Variants in TMEM131 observed in about 807,000 individuals in gnomAD.
The protein encoded by TMEM131 is 2610524E03Rik.
Under a neutral mutation model 211.6 loss-of-function variants are expected in TMEM131, and 66 were observed. The ratio of observed to expected loss-of-function variants is 0.31; its 90% CI spans 0.26 to 0.38. The LOEUF is 0.38. TMEM131 is among the 10% of genes least tolerant of loss of function. TMEM131 has a pLI of 1.00. For synonymous variants in TMEM131, 844 were observed against 841.3 expected (o/e 1.00, Z -0.06); for missense variants, 2,036 against 2,299.3 (o/e 0.89, Z 2.34).
Position 97,922,576 on chromosome 2 carries a change from C to T in TMEM131, c.249+4850G>A, listed in dbSNP as rs546470368. Among the ~76,000 whole-genome samples, 3 of 152,004 alleles carry T rather than the reference C, an allele frequency of 2.0e-5. No individual in the cohort carries two copies. The South Asian group carries it at 6.2e-4, about 32-fold the overall frequency. ...CTACAGTTACACTCAACACATAATG[C>T]TGTGAATCTTAGAAACATAATGCTG... On this transcript the variant is annotated intron_variant, in intron 2 of 40. Transcript: ENST00000186436.
intron 4 of TMEM131, among the ~76,000 whole-genome samples, chr2:97,880,737 G>A (rs1450353181): frequency 6.6e-6 from 1 of 152,196 alleles, no homozygotes; most frequent in African/African-American, 2.4e-5. Flanking sequence ...ACAGGCATAT[G>A]TCAAAGGCAT....
At position 97,758,984 on chromosome 2, in the gene TMEM131, T is replaced by G. The variant is rs1374138989; in HGVS notation, c.5276A>C (p.Asn1759Thr). The G allele has an allele frequency of 2.5e-6, 4 of 1,614,012 alleles. No homozygotes were observed. In the South Asian group the frequency reaches 3.3e-5, roughly 13 times the overall value. ...CTCCCAAAGGTATGAAGGGCCACTA[T>G]TAAACTCGTTCCAGCTCCTCTGTGA... ...QASQRSWNEFNSGPSYLWESP... is the reference protein window; with the variant it reads ...QASQRSWNEFTSGPSYLWESP... The change falls in exon 40 of 41, where the codon AAT becomes ACT. Residue 1759 changes from asparagine (N) to threonine (T), a missense_variant. Transcript: ENST00000186436.
At chr2:97,806,696 A>G (rs1681315475) in intron 19 of TMEM131, among the ~76,000 whole-genome samples, 1 of 152,254 alleles carries the variant, frequency 6.6e-6, no homozygotes, top group Non-Finnish European at 1.5e-5. Flanking sequence ...GAATATTACA[A>G]TCTTTCTTTT....
At chr2:97,942,053 G>T (rs183490655) in intron 1 of TMEM131, among the ~76,000 whole-genome samples, 95 of 152,098 alleles carry the variant, frequency 6.2e-4, no homozygotes, top group African/African-American at 2.2e-3. Flanking sequence ...CTATTCACAA[G>T]AGCAAAGACT....
At position 97,837,148 on chromosome 2, in the gene TMEM131, T is replaced by C. The variant is rs766740704; in HGVS notation, c.733A>G (p.Met245Val). 4 of 1,594,552 alleles carry C rather than the reference T, an allele frequency of 2.5e-6. No homozygotes were observed. The Admixed American group carries it at 5.5e-5, about 22-fold the overall frequency. The change falls in exon 8 of 41, where the codon ATG becomes GTG. Residue 245 changes from methionine to valine, a missense_variant. By Grantham distance (21) the Met-to-Val change is conservative. This residue lies in a region of TMEM131 where 277 missense variants were observed against 378.0 expected (regional missense o/e 0.73). Coordinates refer to ENST00000186436, the MANE Select transcript of TMEM131 (RefSeq NM_015348.2). ...PHSEPLQVVEMYSSGGDLHLE... is the reference protein window; with the variant it reads ...PHSEPLQVVEVYSSGGDLHLE... ...TGAAGGTCTCCTCCACTAGAGTACA[T>C]TTCTACAACCTGGGGCAAAAGAGCA...
chr2:97,886,563 C>G (rs1459917394), intron 4 of TMEM131, among the ~76,000 whole-genome samples: 3 of 152,126 alleles, frequency 2.0e-5, no homozygotes, highest in African/African-American at 4.8e-5. Context: ...CTGCAAGTAT[C>G]TCAGTAGCCT....
intron 4 of TMEM131, among the ~76,000 whole-genome samples, chr2:97,877,777 A>G (rs542155469): frequency 6.6e-6 from 1 of 152,356 alleles, no homozygotes; most frequent in Non-Finnish European, 1.5e-5. Context: ...GGGGAATACC[A>G]ATCAGGACAT....
chr2:97,986,923 G>A (rs1200829251), intron 1 of TMEM131, among the ~76,000 whole-genome samples: 1 of 152,174 alleles, frequency 6.6e-6, no homozygotes, highest in Non-Finnish European at 1.5e-5. Context: ...ATACAGTTAG[G>A]TTTCACAGAG....
intron 1 of TMEM131, among the ~76,000 whole-genome samples, chr2:97,978,869 T>C (rs951491821): frequency 1.3e-5 from 2 of 152,216 alleles, no homozygotes; most frequent in Admixed American, 1.3e-4. Flanking sequence ...CAGGAGGTTT[T>C]CAATGGACTT....
At chr2:97,803,434 A>G (rs959373802) in intron 22 of TMEM131, among the ~76,000 whole-genome samples, 5 of 152,248 alleles carry the variant, frequency 3.3e-5, no homozygotes, top group South Asian at 2.1e-4. Context: ...CCTCATCTGA[A>G]TATCTCCCTA....
intron 31 of TMEM131, among the ~76,000 whole-genome samples, chr2:97,782,123 T>C (rs532732216): frequency 7.9e-5 from 12 of 152,190 alleles, no homozygotes; most frequent in African/African-American, 2.9e-4. Flanking sequence ...GAGCCAACTC[T>C]CCCCTCCCTT....
At chr2:97,982,188 T>A (rs1679827964) in intron 1 of TMEM131, among the ~76,000 whole-genome samples, 1 of 152,226 alleles carries the variant, frequency 6.6e-6, no homozygotes, top group South Asian at 2.1e-4. Flanking sequence ...TTGCCAACAT[T>A]TATTATCCAT....
intron 1 of TMEM131, among the ~76,000 whole-genome samples, chr2:97,931,259 A>G (rs1410456879): frequency 6.6e-6 from 1 of 151,792 alleles, no homozygotes; most frequent in Non-Finnish European, 1.5e-5. Context: ...ATCTACTTTA[A>G]GCTCCTCACA....
At chr2:97,831,942 C>G (rs1325632537) in intron 11 of TMEM131, among the ~76,000 whole-genome samples, 1 of 134,096 alleles carries the variant, frequency 7.5e-6, no homozygotes, top group African/African-American at 2.9e-5. Context: ...GCTGGGATTA[C>G]AGGCGTGAGG....
chr2:97,814,288 C>T lies in TMEM131; in HGVS notation c.1393G>A (p.Ala465Thr). 1 of 1,613,748 alleles carries T rather than the reference C, an allele frequency of 6.2e-7. No individual in the cohort carries two copies. Among genetic ancestry groups the T allele is most frequent in the Non-Finnish European group, 8.5e-7 (1 of 1,179,840 alleles). ...PIYLTNTFSF[A>T]ILIHDVLLPE... ...AGCAACACATCGTGAATGAGGATCG[C>T]AAAACTGAAAGTGTTAGTAAGGTAA... Residue 465 changes from alanine (A) to threonine (T), a missense_variant, in exon 14 of 41, where the codon GCG becomes ACG. This residue lies in a region of TMEM131 where 1,623 missense variants were observed against 1,805.9 expected (regional missense o/e 0.90). Transcript: ENST00000186436.
chr2:97,788,876 T>C (rs1680370261), intron 31 of TMEM131, among the ~76,000 whole-genome samples: 2 of 152,262 alleles, frequency 1.3e-5, no homozygotes. Context: ...CATGTTTCCA[T>C]GTATTATTCA....
chr2:97,759,496 G>C (rs1172221187), intron 39 of TMEM131, 156 bp downstream of exon 39: 2 of 634,008 alleles, frequency 3.2e-6, no homozygotes, highest in Non-Finnish European at 5.6e-6. Flanking sequence ...GTGTGGATGA[G>C]GGAGGAAGAG....
At chr2:97,802,064 G>T in intron 24 of TMEM131, 103 bp from the exon 25 acceptor site, 1 of 749,202 alleles carries the variant, frequency 1.3e-6, no homozygotes, top group Non-Finnish European at 2.1e-6. Context: ...ATTATTGTCT[G>T]TCAGGTTTTG....
At chr2:97,973,646 C>T (rs540999413) in intron 1 of TMEM131, among the ~76,000 whole-genome samples, 10 of 152,276 alleles carry the variant, frequency 6.6e-5, no homozygotes, top group East Asian at 3.9e-4. Flanking sequence ...AACTCCCCAA[C>T]GCTGGGGAAG....
Sources: allele counts gnomAD v4.1 joint callset (sites outside exome capture counted in the v4.1 genomes callset), GRCh38; gene constraint gnomAD v4.1.1; regional missense constraint gnomAD v4.1.1; transcripts MANE v1.5; gene names NCBI Gene and HGNC (gene_info 2026-07-23, HGNC 2026-07-21).